The following KYNU variants were observed in gnomAD, a reference collection of about 807,000 sequenced individuals.
KYNU encodes the protein kynureninase, also known as L-kynurenine hydrolase.
A neutral mutation model predicts 59.2 loss-of-function variants in KYNU; 54 were observed. The observed-to-expected ratio is 0.91, with a 90% confidence interval of 0.73 to 1.14. KYNU has a LOEUF of 1.14. Ranked by LOEUF, KYNU falls within the 50% of genes most tolerant of loss-of-function variation. The probability of loss-of-function intolerance (pLI) is 0.00; values close to 1 mark genes in which losing one functional copy is unlikely to be tolerated. For synonymous variants in KYNU, 177 were observed against 192.0 expected (o/e 0.92, Z 0.65); for missense variants, 567 against 554.4 (o/e 1.02, Z -0.23).
chr2:143,025,195 T>G (rs1245268876), intron 10 of KYNU, among the ~76,000 whole-genome samples: 1 of 152,194 alleles, frequency 6.6e-6, no homozygotes. Context: ...GTTGTTTTCT[T>G]TATGTATTCA....
chr2:143,022,332 C>G (rs908987651), intron 10 of KYNU, among the ~76,000 whole-genome samples: 1 of 151,898 alleles, frequency 6.6e-6, no homozygotes, highest in Non-Finnish European at 1.5e-5. Context: ...ATTGTATATT[C>G]ATAAATTTGC....
chr2:142,985,103 A>G lies in KYNU; in HGVS notation c.749A>G (p.Asp250Gly). The part of the protein sequence containing the change: ...GQAKGCYVGF[D>G]LAHAVGNVEL... ...CCCTAGGGTTGTTATGTTGGCTTTG[A>G]TCTAGCACATGCAGTTGGAAATGTT... is the stretch of plus-strand genomic sequence containing the variant. The change falls in exon 9 of 14, where the codon GAT becomes GGT. Residue 250 changes from aspartate to glycine, a missense_variant. Transcript: ENST00000264170. 6.2e-7 allele frequency: 1 copy of G among 1,609,458 alleles called. No individual in the cohort carries two copies. The highest frequency in any genetic ancestry group is 1.1e-5 in the South Asian group (1 of 91,026).
At chr2:142,883,220 G>A (rs1387202420) in intron 1 of KYNU, among the ~76,000 whole-genome samples, 1 of 120,966 alleles carries the variant, frequency 8.3e-6, no homozygotes, top group African/African-American at 3.3e-5. Context: ...TTTTGAGATG[G>A]AGTCTCGCTG....
intron 10 of KYNU, among the ~76,000 whole-genome samples, chr2:142,986,230 A>G (rs957823763): frequency 1.3e-5 from 2 of 151,974 alleles, no homozygotes; most frequent in Admixed American, 1.3e-4. Context: ...AATTTAATCA[A>G]AAAGGGAAGC....
chr2:143,032,140 T>C (rs994221901), intron 11 of KYNU, among the ~76,000 whole-genome samples: 2 of 152,004 alleles, frequency 1.3e-5, no homozygotes, highest in Non-Finnish European at 2.9e-5. Context: ...TAGCTGGGCG[T>C]GGTGACAGGC....
intron 4 of KYNU, among the ~76,000 whole-genome samples, chr2:142,934,746 C>G (rs114092569): frequency 0.016 from 2,380 of 152,330 alleles, 47 homozygotes; most frequent in African/African-American, 0.055. Flanking sequence ...GGCACCGTCA[C>G]TCTTCAGTGG....
At chr2:142,905,948 T>C (rs986939000) in intron 2 of KYNU, among the ~76,000 whole-genome samples, 1 of 152,154 alleles carries the variant, frequency 6.6e-6, no homozygotes, top group East Asian at 1.9e-4. Flanking sequence ...TAGGGCACAC[T>C]GTTTTTCTTT....
intron 2 of KYNU, among the ~76,000 whole-genome samples, chr2:142,893,428 G>A (rs1305298708): frequency 1.3e-5 from 2 of 152,136 alleles, no homozygotes; most frequent in Non-Finnish European, 2.9e-5. Context: ...AGTCAGGAGA[G>A]CTTTATTAAA....
At chr2:142,926,768 C>G (rs1683058792) in intron 3 of KYNU, among the ~76,000 whole-genome samples, 3 of 152,150 alleles carry the variant, frequency 2.0e-5, no homozygotes. Context: ...AACAAGGTGA[C>G]AGCATTACAC....
At chr2:142,978,236 A>C (rs1000672584) in intron 8 of KYNU, among the ~76,000 whole-genome samples, 1 of 152,154 alleles carries the variant, frequency 6.6e-6, no homozygotes. Context: ...ACACACACAC[A>C]CCCAGACACA....
intron 10 of KYNU, among the ~76,000 whole-genome samples, chr2:143,002,919 A>G (rs1230659225): frequency 2.6e-5 from 4 of 152,232 alleles, no homozygotes; most frequent in African/African-American, 9.6e-5. Flanking sequence ...AAAATAAAAC[A>G]TAAAATAATA....
chr2:142,995,810 T>C (rs1376200672), intron 10 of KYNU, among the ~76,000 whole-genome samples: 2 of 152,158 alleles, frequency 1.3e-5, no homozygotes, highest in African/African-American at 4.8e-5. Flanking sequence ...GATTACCAAC[T>C]GCCTGGATTT....
At chr2:143,003,417 CATA>C (rs202190412) in intron 10 of KYNU, among the ~76,000 whole-genome samples, 1 of 150,536 alleles carries the variant, frequency 6.6e-6, no homozygotes, top group South Asian at 2.1e-4. Flanking sequence ...TACAAAAAAT[CATA>C]ATAATAAAAT....
At chr2:142,890,255 T>C (rs1262363522) in intron 2 of KYNU, among the ~76,000 whole-genome samples, 1 of 152,118 alleles carries the variant, frequency 6.6e-6, no homozygotes. Context: ...CTTTCTAAAA[T>C]TTTTAAAATA....
chr2:142,956,298 T>A (rs765295181), intron 6 of KYNU, 24 bp downstream of exon 6: 1 of 1,447,112 alleles, frequency 6.9e-7, no homozygotes, highest in South Asian at 1.1e-5. Context: ...CAAATTGTAT[T>A]TATGTTCTTT....
At chr2:142,957,193 G>C (rs904366098) in intron 6 of KYNU, among the ~76,000 whole-genome samples, 1 of 152,028 alleles carries the variant, frequency 6.6e-6, no homozygotes, top group Non-Finnish European at 1.5e-5. Flanking sequence ...TTCCAGGTCG[G>C]TGTGGGGGCT....
chr2:143,030,727 A>G (rs1013828573), intron 11 of KYNU, among the ~76,000 whole-genome samples: 2 of 151,910 alleles, frequency 1.3e-5, no homozygotes, highest in Non-Finnish European at 2.9e-5. Flanking sequence ...ATAATATTTT[A>G]TATATATAGG....
In KYNU at chr2:143,036,880, T is replaced by C. The variant is rs553030420; in HGVS notation, c.1042-3548T>C. On this transcript the variant is annotated intron_variant, in intron 12 of 13. Transcript: ENST00000264170. Reference sequence around the variant, plus strand: ...GTAAATGCATGAATCAAACTGCCTCTTTGTTGTCTCTACTTTTAAGAAATA... The same window carrying C: ...GTAAATGCATGAATCAAACTGCCTCCTTGTTGTCTCTACTTTTAAGAAATA... 3.3e-5 allele frequency among the ~76,000 whole-genome samples: 5 copies of C among 152,336 alleles called. No homozygotes were observed. In the East Asian group the frequency reaches 9.6e-4, roughly 29 times the overall value.
At chr2:143,035,032 CA>C (rs1219443734) in intron 12 of KYNU, among the ~76,000 whole-genome samples, 1 of 152,192 alleles carries the variant, frequency 6.6e-6, no homozygotes, top group Non-Finnish European at 1.5e-5. Context: ...CCTATTCTTC[CA>C]GCCACTGTTT....
Sources: allele counts gnomAD v4.1 joint callset (sites outside exome capture counted in the v4.1 genomes callset), GRCh38; gene constraint gnomAD v4.1.1; transcripts MANE v1.5; gene names NCBI Gene and HGNC (gene_info 2026-07-23, HGNC 2026-07-21).